Variants in ADAMTS18 observed in about 807,000 individuals in gnomAD.
ADAMTS18 encodes the protein ADAM metallopeptidase with thrombospondin type 1 motif 18, also known as A disintegrin and metalloproteinase with thrombospondin motifs 18.
Under a neutral mutation model 165.9 loss-of-function variants are expected in ADAMTS18, and 157 were observed. The observed-to-expected ratio is 0.95, with a 90% CI of 0.83 to 1.08. The LOEUF (loss-of-function observed/expected upper bound fraction) is 1.08. Ranked by LOEUF, ADAMTS18 falls within the 50% of genes least tolerant of loss-of-function variation. The probability of loss-of-function intolerance (pLI) is 0.00; values close to 1 mark genes in which losing one functional copy is unlikely to be tolerated. For synonymous variants in ADAMTS18, 782 were observed against 578.2 expected, an observed-to-expected ratio of 1.35 and a Z score of -5.06; for missense variants, 2,040 against 1,534.0, an observed-to-expected ratio of 1.33 and a Z score of -5.51.
At chr16:77,400,424 TTGTGTG>T (rs145473637) in intron 3 of ADAMTS18, among the ~76,000 whole-genome samples, 35 of 136,084 alleles carry the variant, frequency 2.6e-4, no homozygotes, top group East Asian at 4.5e-4. Context: ...TCAGGGGGAA[TTGTGTG>T]TGTGTGTGTG....
At chr16:77,285,103 C>T (rs2055222682) in intron 22 of ADAMTS18, among the ~76,000 whole-genome samples, 1 of 150,976 alleles carries the variant, frequency 6.6e-6, no homozygotes, top group African/African-American at 2.5e-5. Context: ...AGATGGGCCT[C>T]AGGAGATAGG....
intron 3 of ADAMTS18, among the ~76,000 whole-genome samples, chr16:77,378,657 G>A (rs929938215): frequency 2.0e-5 from 3 of 152,136 alleles, no homozygotes; most frequent in Non-Finnish European, 4.4e-5. Flanking sequence ...GGAGGTTGCA[G>A]TGAGCCCAGA....
At chr16:77,418,321 T>G (rs1301991297) in intron 3 of ADAMTS18, among the ~76,000 whole-genome samples, 1 of 152,134 alleles carries the variant, frequency 6.6e-6, no homozygotes. Flanking sequence ...AAGTGCACTG[T>G]CGTAAAGAAT....
At chr16:77,432,966 C>T (rs1182372520) in intron 2 of ADAMTS18, among the ~76,000 whole-genome samples, 7 of 152,120 alleles carry the variant, frequency 4.6e-5, no homozygotes, top group African/African-American at 1.7e-4. Context: ...TCCCATTTTT[C>T]TTCTTGACTC....
In ADAMTS18 at chr16:77,355,415, G is replaced by T. The variant is rs866924; in HGVS notation, c.1460+525C>A. On this transcript the variant is annotated intron_variant, in intron 9 of 22. Coordinates refer to ENST00000282849, the MANE Select transcript of ADAMTS18 (RefSeq NM_199355.4). ...GGCCATTTCAAACATAATAGTCAAA[G>T]AAGAAAATGCTCTATTCATTAAAAC... 2.0e-5 allele frequency among the ~76,000 whole-genome samples: 3 copies of T among 152,044 alleles called. No homozygotes were observed. In the East Asian group the frequency reaches 5.8e-4, roughly 29 times the overall value.
At position 77,348,674 on chromosome 16, in the gene ADAMTS18, G is replaced by A. The variant is rs115765584; in HGVS notation, c.1614+5059C>T. ...CACTGTAAGCCCAATAAATAACACT[G>A]AGTATCTGATATGACATCCAGCACA... On this transcript the variant is annotated intron_variant, in intron 10 of 22. Coordinates refer to ENST00000282849, the MANE Select transcript of ADAMTS18 (RefSeq NM_199355.4). Among the ~76,000 whole-genome samples the A allele has an allele frequency of 6.0e-3, 916 of 152,260 alleles. 12 individuals are homozygous for A. The highest frequency in any genetic ancestry group is 0.021 in the African/African-American group (888 of 41,544).
chr16:77,300,494 C>T lies in ADAMTS18; in HGVS notation c.2533-90G>A. ...TTACTGAACATTTTAAAGATATTTACATGACATTTTGACCTTAACATTGGT... is the reference window on the plus strand; with the variant it reads ...TTACTGAACATTTTAAAGATATTTATATGACATTTTGACCTTAACATTGGT... On this transcript the variant is annotated intron_variant, in intron 16 of 22. Coordinates refer to ENST00000282849, the MANE Select transcript of ADAMTS18 (RefSeq NM_199355.4). 4 of 1,467,088 alleles carry T rather than the reference C, an allele frequency of 2.7e-6. No homozygotes were observed. The South Asian group carries it at 4.6e-5, about 17-fold the overall frequency. The allele number at this position is 1,467,088 out of a possible 1,614,324, so 90.9% of individuals were successfully genotyped here. A position where few individuals can be genotyped will look rare whatever the true frequency, so the allele number is the denominator to read the frequency against.
rs1431850083 is a variant in ADAMTS18 at position 77,289,420 on chromosome 16, G to T, written c.3403-9C>A. On this transcript the variant is annotated splice_polypyrimidine_tract_variant and intron_variant, in intron 21 of 22. Transcript: ENST00000282849. ...CCACAGGTGACTGTGCACTGCAGCA[G>T]AGAGAAGAGGAAGGAGTCAGAAACA... 4.5e-5 allele frequency: 72 copies of T among 1,613,870 alleles called. No individual in the cohort carries two copies. Among genetic ancestry groups the T allele is most frequent in the Non-Finnish European group, 6.0e-5 (71 of 1,179,934 alleles).
chr16:77,419,231 G>T (rs547415732), intron 3 of ADAMTS18, among the ~76,000 whole-genome samples: 1 of 152,262 alleles, frequency 6.6e-6, no homozygotes, highest in South Asian at 2.1e-4. Context: ...CCTGCTTAGG[G>T]TCTTCAGGAT....
chr16:77,312,150 G>C (rs1452659280), intron 16 of ADAMTS18, among the ~76,000 whole-genome samples: 2 of 152,074 alleles, frequency 1.3e-5, no homozygotes, highest in Non-Finnish European at 1.5e-5. Flanking sequence ...TATTTACAAA[G>C]AGATAGATTG....
intron 10 of ADAMTS18, among the ~76,000 whole-genome samples, chr16:77,343,796 G>A (rs750162221): frequency 3.3e-5 from 5 of 152,130 alleles, no homozygotes; most frequent in Non-Finnish European, 7.4e-5. Context: ...TAGCACTAAT[G>A]GAATGTTGTG....
chr16:77,317,858 G>C (rs551645092), intron 16 of ADAMTS18, among the ~76,000 whole-genome samples: 5 of 152,246 alleles, frequency 3.3e-5, no homozygotes, highest in African/African-American at 1.2e-4. Flanking sequence ...ATGGAACTGA[G>C]AAAGATGATA....
At chr16:77,394,651 A>T (rs529170818) in intron 3 of ADAMTS18, among the ~76,000 whole-genome samples, 3 of 152,228 alleles carry the variant, frequency 2.0e-5, no homozygotes, top group Non-Finnish European at 4.4e-5. Flanking sequence ...TTTTTGAATA[A>T]GAATAAAATA....
rs753363403 is a variant in ADAMTS18, at chr16:77,295,147, A to AT, written c.2802-21dup. The stretch of plus-strand genomic sequence containing the variant: ...ATCCAGCTTTCAGTGCAAAACAAAC[A>AT]TTACCAATGAAGCCAAACTTTGTAT... On this transcript the variant is annotated intron_variant, in intron 18 of 22. Coordinates refer to ENST00000282849, the MANE Select transcript of ADAMTS18 (RefSeq NM_199355.4). 5 of 1,613,890 alleles carry AT rather than the reference A, an allele frequency of 3.1e-6. No homozygotes were observed. In the South Asian group the frequency reaches 4.4e-5, roughly 14 times the overall value.
At chr16:77,346,417 A>T (rs2056477367) in intron 10 of ADAMTS18, among the ~76,000 whole-genome samples, 1 of 152,208 alleles carries the variant, frequency 6.6e-6, no homozygotes, top group Admixed American at 6.5e-5. Context: ...GTATTTTAAA[A>T]TAGTCTTCAT....
intron 8 of ADAMTS18, among the ~76,000 whole-genome samples, chr16:77,358,481 G>A (rs183591250): frequency 2.3e-3 from 347 of 152,260 alleles, no homozygotes; most frequent in Non-Finnish European, 4.4e-3. Flanking sequence ...AGAATCACTT[G>A]AACCCGGGAG....
chr16:77,400,442 G>C (rs1259914466), intron 3 of ADAMTS18, among the ~76,000 whole-genome samples: 2 of 100,034 alleles, frequency 2.0e-5, no homozygotes, highest in Admixed American at 9.2e-5. Context: ...GTGTGTGTGT[G>C]TGTGTGTGTG....
At chr16:77,306,862 A>C (rs1277855160) in intron 16 of ADAMTS18, among the ~76,000 whole-genome samples, 1 of 152,112 alleles carries the variant, frequency 6.6e-6, no homozygotes, top group Non-Finnish European at 1.5e-5. Context: ...CAGCAATGGG[A>C]CTCAAGTCTC....
intron 3 of ADAMTS18, among the ~76,000 whole-genome samples, chr16:77,401,464 T>C (rs2057330757): frequency 6.6e-6 from 1 of 152,228 alleles, no homozygotes; most frequent in Non-Finnish European, 1.5e-5. Flanking sequence ...GCACAGAACA[T>C]TTAAATAATT....
Sources: gnomAD v4.1 joint callset for allele counts (sites outside exome capture counted in the v4.1 genomes callset) on GRCh38, gnomAD v4.1.1 for gene constraint, MANE v1.5 for transcripts, NCBI Gene and HGNC (gene_info 2026-07-23, HGNC 2026-07-21) for gene names.